The following PTPRT variants were observed in gnomAD, a reference collection of about 807,000 sequenced individuals.
The protein encoded by PTPRT is receptor-type tyrosine-protein phosphatase T.
Under a neutral mutation model 176.8 loss-of-function variants are expected in PTPRT, and 56 were observed. That is an observed-to-expected ratio of 0.32 (90% CI 0.26 to 0.40). PTPRT has a LOEUF of 0.40. Among genes scored for constraint, PTPRT ranks in the 10% least tolerant of loss-of-function variants. PTPRT has a pLI of 1.00. For missense variants in PTPRT, 1,540 were observed against 1,908.2 expected, an observed-to-expected ratio of 0.81 and a Z score of 3.60; for synonymous variants, 783 against 739.0, an observed-to-expected ratio of 1.06 and a Z score of -0.96.
chr20:42,614,387 T>C (rs1170947528), intron 7 of PTPRT, among the ~76,000 whole-genome samples: 4 of 152,302 alleles, frequency 2.6e-5, no homozygotes, highest in Non-Finnish European at 5.9e-5. Context: ...CTTCAACATA[T>C]AATTCAGGTC....
At chr20:42,532,319 G>T (rs2072398991) in intron 7 of PTPRT, among the ~76,000 whole-genome samples, 1 of 152,304 alleles carries the variant, frequency 6.6e-6, no homozygotes, top group East Asian at 1.9e-4. Context: ...CACAAAGTGG[G>T]ATGTCAGTGC....
intron 1 of PTPRT, among the ~76,000 whole-genome samples, chr20:43,055,432 G>T (rs756886640): frequency 6.6e-6 from 1 of 152,130 alleles, no homozygotes; most frequent in African/African-American, 2.4e-5. Context: ...GTTATAAACA[G>T]CATCCATCAG....
At chr20:42,820,558 T>C (rs1040970200) in intron 2 of PTPRT, among the ~76,000 whole-genome samples, 1 of 151,326 alleles carries the variant, frequency 6.6e-6, no homozygotes, top group African/African-American at 2.4e-5. Context: ...AGACAACAAA[T>C]AACTAAGATC....
chr20:42,638,178 G>A (rs1270725576), intron 7 of PTPRT, among the ~76,000 whole-genome samples: 1 of 152,096 alleles, frequency 6.6e-6, no homozygotes, highest in Non-Finnish European at 1.5e-5. Context: ...CAGTTTGATA[G>A]CCTCACCCAT....
intron 9 of PTPRT, among the ~76,000 whole-genome samples, chr20:42,389,910 G>GTC (rs1165250854): frequency 6.7e-6 from 1 of 150,124 alleles, no homozygotes; most frequent in Non-Finnish European, 1.5e-5. Context: ...TCTTCTCTCT[G>GTC]TCTCTCTCTC....
intron 1 of PTPRT, among the ~76,000 whole-genome samples, chr20:43,093,558 T>C (rs1390680847): frequency 6.6e-6 from 1 of 152,118 alleles, no homozygotes; most frequent in Non-Finnish European, 1.5e-5. Context: ...ACACAACAGG[T>C]CTGTTAAGTC....
At chr20:42,749,710 T>C (rs2076743068) in intron 6 of PTPRT, among the ~76,000 whole-genome samples, 1 of 152,208 alleles carries the variant, frequency 6.6e-6, no homozygotes, top group African/African-American at 2.4e-5. Flanking sequence ...GCATGATTCT[T>C]CCTGCTAGAC....
chr20:42,652,854 ACC>A (rs2075056976), intron 7 of PTPRT, among the ~76,000 whole-genome samples: 1 of 152,106 alleles, frequency 6.6e-6, no homozygotes. Context: ...CTCAGACCTA[ACC>A]CTAAGGACCT....
intron 7 of PTPRT, among the ~76,000 whole-genome samples, chr20:42,607,741 G>A (rs867278167): frequency 6.6e-6 from 1 of 152,184 alleles, no homozygotes; most frequent in South Asian, 2.1e-4. Context: ...TGGGCGGATT[G>A]CATGGGGCTG....
At chr20:42,351,639 G>A (rs1041227260) in intron 10 of PTPRT, among the ~76,000 whole-genome samples, 2 of 152,130 alleles carry the variant, frequency 1.3e-5, no homozygotes, top group Non-Finnish European at 2.9e-5. Flanking sequence ...GGGCCCTACG[G>A]GTGATGGCAG....
chr20:42,248,297 T>C (rs1049851062), intron 14 of PTPRT, among the ~76,000 whole-genome samples: 5 of 152,178 alleles, frequency 3.3e-5, no homozygotes, highest in Non-Finnish European at 7.3e-5. Context: ...GGTAAAACAT[T>C]ACTTTCCTGC....
chr20:42,342,988 C>A (rs1170132603), intron 11 of PTPRT, among the ~76,000 whole-genome samples: 2 of 152,144 alleles, frequency 1.3e-5, no homozygotes, highest in Non-Finnish European at 1.5e-5. Flanking sequence ...TTGCAATGAC[C>A]TTTAGAAGTA....
intron 1 of PTPRT, among the ~76,000 whole-genome samples, chr20:42,994,012 A>G (rs1984094035): frequency 6.6e-6 from 1 of 152,184 alleles, no homozygotes; most frequent in African/African-American, 2.4e-5. Context: ...GTGCAATTTC[A>G]TCCATTAAGT....
At chr20:42,240,020 G>T (rs1038072274) in intron 14 of PTPRT, among the ~76,000 whole-genome samples, 2 of 152,184 alleles carry the variant, frequency 1.3e-5, no homozygotes, top group Non-Finnish European at 2.9e-5. Flanking sequence ...GCTACACTGA[G>T]CATTCTGGAC....
chr20:42,802,775 G>A lies in PTPRT; in HGVS notation c.215-11309C>T, dbSNP rs1331968153. ...GATCAGTGGAACAATGAAAGATAAGGGCATGGACTGTTGACTCAAACTGCC... is the reference window on the plus strand; with the variant it reads ...GATCAGTGGAACAATGAAAGATAAGAGCATGGACTGTTGACTCAAACTGCC... On this transcript the variant is annotated intron_variant, in intron 2 of 30. Coordinates refer to ENST00000373187, the MANE Select transcript of PTPRT (RefSeq NM_007050.6). Among the ~76,000 whole-genome samples the A allele has an allele frequency of 2.0e-5, 3 of 152,224 alleles. No individual in the cohort carries two copies. The East Asian group carries it at 5.8e-4, about 29-fold the overall frequency.
chr20:42,443,602 C>G (rs1293028776), intron 9 of PTPRT, among the ~76,000 whole-genome samples: 3 of 152,160 alleles, frequency 2.0e-5, no homozygotes, highest in Non-Finnish European at 4.4e-5. Context: ...ATTCTGAGCT[C>G]CCCTTTCAGT....
intron 7 of PTPRT, among the ~76,000 whole-genome samples, chr20:42,608,087 C>T (rs1051662131): frequency 6.6e-6 from 1 of 152,168 alleles, no homozygotes; most frequent in Non-Finnish European, 1.5e-5. Context: ...GTAAAGCTGT[C>T]TGTCCAAGGA....
rs564286483 is a variant in PTPRT, at chr20:42,657,438, C to T, written c.1153+20428G>A. ...TGTTTTCCTCCTGCTTTTAGTTGTT[C>T]GTTCATGGTCTTCTTTTCAGGCTCT... On this transcript the variant is annotated intron_variant, in intron 7 of 30. Coordinates refer to ENST00000373187, the MANE Select transcript of PTPRT (RefSeq NM_007050.6). Among the ~76,000 whole-genome samples the T allele has an allele frequency of 8.5e-5, 13 of 152,236 alleles. No individual in the cohort carries two copies. In the South Asian group the frequency reaches 2.5e-3, roughly 29 times the overall value.
intron 9 of PTPRT, among the ~76,000 whole-genome samples, chr20:42,402,839 T>C (rs1420551097): frequency 6.7e-6 from 1 of 150,274 alleles, no homozygotes; most frequent in Non-Finnish European, 1.5e-5. Flanking sequence ...TGTATGTGCA[T>C]GTGTGTGTGT....
Sources: allele counts gnomAD v4.1 joint callset (sites outside exome capture counted in the v4.1 genomes callset), GRCh38; gene constraint gnomAD v4.1.1; transcripts MANE v1.5; gene names NCBI Gene and HGNC (gene_info 2026-07-23, HGNC 2026-07-21).